The following CAMTA1 variants were observed in gnomAD, a reference collection of about 807,000 sequenced individuals.
CAMTA1 encodes the protein calmodulin binding transcription activator 1, also known as calmodulin-binding transcription activator 1.
In CAMTA1, 27 loss-of-function variants were observed where a neutral mutation model predicts 170.9. That is an observed-to-expected ratio of 0.16 (90% CI 0.12 to 0.22). The LOEUF (loss-of-function observed/expected upper bound fraction) is 0.22. Ranked by LOEUF, CAMTA1 falls within the 10% of genes least tolerant of loss-of-function variation. CAMTA1 has a pLI of 1.00. For synonymous variants in CAMTA1, 833 were observed against 891.5 expected (o/e 0.93, Z 1.17); for missense variants, 1,619 against 2,217.2 (o/e 0.73, Z 5.42).
intron 4 of CAMTA1, among the ~76,000 whole-genome samples, chr1:7,243,083 A>G (rs544382871): frequency 6.6e-6 from 1 of 152,334 alleles, no homozygotes; most frequent in South Asian, 2.1e-4. Context: ...TGAAATTTCT[A>G]TTCTGTTCCA....
At chr1:7,160,052 C>T (rs544190859) in intron 4 of CAMTA1, among the ~76,000 whole-genome samples, 1 of 152,090 alleles carries the variant, frequency 6.6e-6, no homozygotes, top group African/African-American at 2.4e-5. Context: ...GAGTTTGAGA[C>T]CAGCCTGGCC....
At chr1:7,120,530 C>T (rs926048265) in intron 4 of CAMTA1, among the ~76,000 whole-genome samples, 24 of 152,180 alleles carry the variant, frequency 1.6e-4, no homozygotes, top group Admixed American at 3.9e-4. Context: ...TCCTGCTGGC[C>T]GTATGTGAAC....
intron 3 of CAMTA1, among the ~76,000 whole-genome samples, chr1:7,031,931 A>G (rs770934634): frequency 3.3e-5 from 5 of 151,812 alleles, no homozygotes; most frequent in Non-Finnish European, 5.9e-5. Context: ...CTGTTTCCCC[A>G]TCTGTTGTTT....
chr1:6,906,471 C>G (rs973474162), intron 3 of CAMTA1, among the ~76,000 whole-genome samples: 1 of 152,170 alleles, frequency 6.6e-6, no homozygotes, highest in Non-Finnish European at 1.5e-5. Flanking sequence ...CCTAGACTGG[C>G]TCTACCCCAC....
At chr1:7,069,325 T>C (rs1236724716) in intron 3 of CAMTA1, among the ~76,000 whole-genome samples, 2 of 152,216 alleles carry the variant, frequency 1.3e-5, no homozygotes, top group Admixed American at 6.5e-5. Context: ...TTAACTGACT[T>C]GCCCAGGGTC....
chr1:7,122,759 C>T (rs1644719197), intron 4 of CAMTA1, among the ~76,000 whole-genome samples: 1 of 152,164 alleles, frequency 6.6e-6, no homozygotes, highest in African/African-American at 2.4e-5. Context: ...CTCCCATGCC[C>T]ATCTTCACTC....
intron 6 of CAMTA1, among the ~76,000 whole-genome samples, chr1:7,614,485 T>G (rs1384107381): frequency 1.3e-5 from 2 of 152,130 alleles, no homozygotes; most frequent in African/African-American, 4.8e-5. Flanking sequence ...GACAATCAAG[T>G]CACCGTGCGA....
intron 11 of CAMTA1, among the ~76,000 whole-genome samples, chr1:7,704,923 G>A (rs1460078695): frequency 1.4e-5 from 2 of 144,888 alleles, no homozygotes; most frequent in Admixed American, 6.8e-5. Context: ...GGGGCTAGGC[G>A]GAGGGCGCGT....
At chr1:7,525,038 G>C (rs1338155012) in intron 6 of CAMTA1, among the ~76,000 whole-genome samples, 1 of 152,142 alleles carries the variant, frequency 6.6e-6, no homozygotes, top group Non-Finnish European at 1.5e-5. Flanking sequence ...ACCTGCCCTT[G>C]AGAAATGCAG....
At chr1:7,643,250 AT>A (rs1454590142) in intron 7 of CAMTA1, among the ~76,000 whole-genome samples, 1 of 152,140 alleles carries the variant, frequency 6.6e-6, no homozygotes, top group Non-Finnish European at 1.5e-5. Context: ...CTCTTGTCAG[AT>A]TCCACTGGAA....
chr1:7,029,583 C>G (rs1293392099), intron 3 of CAMTA1, among the ~76,000 whole-genome samples: 1 of 150,804 alleles, frequency 6.6e-6, no homozygotes, highest in African/African-American at 2.4e-5. Context: ...AGTGAGTTTG[C>G]AAATATCAAG....
In CAMTA1 at chr1:7,092,379, T is replaced by C. The variant is rs747395655; in HGVS notation, c.302+1008T>C. ...AAAGGTCATCCTTGGGAATGTTTAT[T>C]CCTTCTAGAAGGTATTTTAAAATAC... On this transcript the variant is annotated intron_variant, in intron 4 of 22. Coordinates refer to ENST00000303635, the MANE Select transcript of CAMTA1 (RefSeq NM_015215.4). The surrounding 1 kb of genome is among the most constrained non-coding windows in gnomAD (Gnocchi z 5.0). Among the ~76,000 whole-genome samples, 1 of 152,172 alleles carries C rather than the reference T, an allele frequency of 6.6e-6. No individual in the cohort carries two copies. Among genetic ancestry groups the C allele is most frequent in the Non-Finnish European group, 1.5e-5 (1 of 68,006 alleles).
intron 4 of CAMTA1, among the ~76,000 whole-genome samples, chr1:7,211,376 C>A (rs1217853795): frequency 6.6e-6 from 1 of 152,212 alleles, no homozygotes; most frequent in Non-Finnish European, 1.5e-5. Context: ...TCAGAAAGTT[C>A]TTTCATGTTT....
chr1:7,468,670 C>A (rs1389088497), intron 6 of CAMTA1, among the ~76,000 whole-genome samples: 1 of 152,228 alleles, frequency 6.6e-6, no homozygotes, highest in Non-Finnish European at 1.5e-5. Flanking sequence ...TTGGTAGAAC[C>A]CATTCCCCAT....
chr1:7,484,438 C>T (rs1334260662), intron 6 of CAMTA1, among the ~76,000 whole-genome samples: 1 of 152,208 alleles, frequency 6.6e-6, no homozygotes. Context: ...GGCTCAGTTT[C>T]CTCATCCGCA....
At chr1:7,188,581 G>C (rs1653917793) in intron 4 of CAMTA1, among the ~76,000 whole-genome samples, 1 of 152,128 alleles carries the variant, frequency 6.6e-6, no homozygotes, top group Non-Finnish European at 1.5e-5. Flanking sequence ...TCCTTTTGTG[G>C]CAGACATATT....
chr1:7,690,939 G>A (rs777038121), intron 11 of CAMTA1, among the ~76,000 whole-genome samples: 6 of 152,328 alleles, frequency 3.9e-5, no homozygotes, highest in Admixed American at 1.3e-4. Flanking sequence ...GGTTATTCAC[G>A]ACAACCGTCA....
chr1:7,514,518 G>C (rs1418146697), intron 6 of CAMTA1, among the ~76,000 whole-genome samples: 1 of 152,248 alleles, frequency 6.6e-6, no homozygotes, highest in African/African-American at 2.4e-5. Context: ...AGGGGCTGGA[G>C]GTGGCCTCCT....
intron 4 of CAMTA1, among the ~76,000 whole-genome samples, chr1:7,178,124 G>A (rs1452564469): frequency 1.3e-5 from 2 of 152,176 alleles, no homozygotes; most frequent in African/African-American, 2.4e-5. Context: ...TGAGGAAAAG[G>A]CTTGAACACT....
Sources: allele counts gnomAD v4.1 joint callset (sites outside exome capture counted in the v4.1 genomes callset), GRCh38; gene constraint gnomAD v4.1.1; non-coding constraint Gnocchi (gnomAD v3.1); transcripts MANE v1.5; gene names NCBI Gene and HGNC (gene_info 2026-07-23, HGNC 2026-07-21).